C3orf52: variants seen among roughly 807,000 people sequenced by gnomAD.
The protein encoded by C3orf52 is chromosome 3 open reading frame 52, also known as TPA-induced transmembrane protein.
Under a neutral mutation model 24.8 loss-of-function variants are expected in C3orf52, and 22 were observed. The observed-to-expected ratio is 0.89, with a 90% confidence interval of 0.63 to 1.27. C3orf52 has a LOEUF of 1.27. C3orf52 is among the 50% of genes most tolerant of loss of function. The probability of loss-of-function intolerance (pLI) is 0.00; values close to 1 mark genes in which losing one functional copy is unlikely to be tolerated. For synonymous variants in C3orf52, 93 were observed against 100.2 expected (o/e 0.93, Z 0.43); for missense variants, 265 against 260.7 (o/e 1.02, Z -0.11).
At chr3:112,132,079 T>A (rs964095130), downstream of C3orf52, among the ~76,000 whole-genome samples, 6 of 152,140 alleles carry the variant, frequency 3.9e-5, no homozygotes, top group Non-Finnish European at 7.3e-5. Flanking sequence ...GCATCTCATA[T>A]CTAGTAATAA....
downstream of C3orf52, chr3:112,133,171 T>C: frequency 6.2e-7 from 1 of 1,604,288 alleles, no homozygotes; most frequent in Non-Finnish European, 8.5e-7. Flanking sequence ...ACTTCCTTCT[T>C]GCCTTGTGCT....
Position 112,118,093 on chromosome 3 carries a change from C to T in C3orf52, c.*1447C>T, listed in dbSNP as rs570227338. On this transcript the variant is annotated 3_prime_UTR_variant, in exon 6 of 6. Transcript: ENST00000264848. ...AAACTAGTGGATTTCTCTTCTTCCT[C>T]TTTATTTTCTGCATGTTAAATGTGA... The T allele has an allele frequency of 6.6e-6, 1 of 152,180 alleles. No individual in the cohort carries two copies. Among genetic ancestry groups the T allele is most frequent in the Non-Finnish European group, 1.5e-5 (1 of 68,038 alleles). The allele number at this position is 152,180 out of a possible 1,614,324, so 9.4% of individuals were successfully genotyped here. A position where few individuals can be genotyped will look rare whatever the true frequency, so the allele number is the denominator to read the frequency against.
downstream of C3orf52, chr3:112,130,108 T>C (rs2074416523): frequency 3.9e-6 from 1 of 253,266 alleles, no homozygotes; most frequent in East Asian, 7.8e-5. Context: ...TAAAATAAAA[T>C]GGCTAGGGTG....
At chr3:112,086,601 C>A in intron 1 of C3orf52, 56 bp downstream of exon 1, 1 of 1,514,666 alleles carries the variant, frequency 6.6e-7, no homozygotes, top group Non-Finnish European at 8.9e-7. Flanking sequence ...GTAGTAGGAC[C>A]CGGGCCTGGC....
chr3:112,089,545 AAAAAAG>A (rs2073859823), intron 1 of C3orf52, among the ~76,000 whole-genome samples: 1 of 152,044 alleles, frequency 6.6e-6, no homozygotes, highest in African/African-American at 2.4e-5. Context: ...AAAAAAAAAA[AAAAAAG>A]ATTTATTTCA....
chr3:112,096,909 A>G (rs2073931383), intron 2 of C3orf52, among the ~76,000 whole-genome samples: 1 of 152,236 alleles, frequency 6.6e-6, no homozygotes, highest in Admixed American at 6.5e-5. Flanking sequence ...ATTCAGGATC[A>G]TGGCTTAGCT....
At chr3:112,103,687 A>G (rs1395031286) in intron 3 of C3orf52, among the ~76,000 whole-genome samples, 1 of 152,226 alleles carries the variant, frequency 6.6e-6, no homozygotes, top group Non-Finnish European at 1.5e-5. Context: ...GAGCTACCTC[A>G]GGTGAAGATG....
chr3:112,121,059 C>CT (rs901791648), downstream of C3orf52: 3 of 152,114 alleles, frequency 2.0e-5, no homozygotes, highest in Non-Finnish European at 2.9e-5. Flanking sequence ...TTATAATTCC[C>CT]TCTTATAAAT....
At chr3:112,134,350 G>A (rs1376432892), downstream of C3orf52, 2 of 152,318 alleles carry the variant, frequency 1.3e-5, no homozygotes, top group East Asian at 1.9e-4. Context: ...ACACTTAGCT[G>A]TCCACGGATG....
intron 1 of C3orf52, among the ~76,000 whole-genome samples, chr3:112,089,918 A>G (rs1407329380): frequency 6.6e-6 from 1 of 152,230 alleles, no homozygotes; most frequent in African/African-American, 2.4e-5. Flanking sequence ...TAAGATGCAG[A>G]TTGCAAATGT....
intron 3 of C3orf52, among the ~76,000 whole-genome samples, chr3:112,108,301 C>G (rs9865368): frequency 0.013 from 1,959 of 152,140 alleles, 40 homozygotes; most frequent in African/African-American, 0.044. Flanking sequence ...CAATGTGAAG[C>G]ACTATTTTAT....
In C3orf52 at chr3:112,117,318, C is replaced by T; in HGVS notation, c.*672C>T. 3.8e-6 allele frequency: 1 copy of T among 266,244 alleles called. No homozygotes were observed. Among genetic ancestry groups the T allele is most frequent in the Non-Finnish European group, 7.1e-6 (1 of 140,722 alleles). The allele number at this position is 266,244 out of a possible 1,614,324, so 16.5% of individuals were successfully genotyped here. On this transcript the variant is annotated 3_prime_UTR_variant, in exon 6 of 6. Coordinates refer to ENST00000264848, the MANE Select transcript of C3orf52 (RefSeq NM_024616.3). ...ACCTGTACCTGAGTATCTTAGCCAG[C>T]CAGCCTTAGGAACACCACCAAGGTT...
intron 1 of C3orf52, 58 bp downstream of exon 1, chr3:112,086,603 G>A: frequency 4.0e-6 from 6 of 1,511,220 alleles, no homozygotes; most frequent in Non-Finnish European, 4.5e-6. Context: ...AGTAGGACCC[G>A]GGCCTGGCAC....
At chr3:112,086,828 A>G (rs558269044) in intron 1 of C3orf52, among the ~76,000 whole-genome samples, 9 of 152,174 alleles carry the variant, frequency 5.9e-5, no homozygotes, top group Non-Finnish European at 1.3e-4. Flanking sequence ...TCAGAGAGGT[A>G]TTCCGGAGAT....
intron 4 of C3orf52, among the ~76,000 whole-genome samples, chr3:112,126,092 A>G (rs955640924): frequency 4.6e-5 from 7 of 152,180 alleles, no homozygotes; most frequent in Non-Finnish European, 7.3e-5. Context: ...CCTGATTATC[A>G]TTATAAGAAA....
chr3:112,133,038 G>T, downstream of C3orf52: 2 of 1,556,122 alleles, frequency 1.3e-6, no homozygotes, highest in Admixed American at 1.7e-5. Context: ...TCTCTTCCTT[G>T]CTGTATTGTC....
At chr3:112,105,539 CGTGTGTGTGTGTGT>C (rs3082397) in intron 3 of C3orf52, among the ~76,000 whole-genome samples, 3 of 148,138 alleles carry the variant, frequency 2.0e-5, no homozygotes, top group Non-Finnish European at 3.0e-5. Flanking sequence ...CTTCTTTGGC[CGTGTGTGTGTGTGT>C]GTGTGTGTGT....
intron 1 of C3orf52, among the ~76,000 whole-genome samples, chr3:112,088,859 T>C (rs1347745878): frequency 6.6e-6 from 1 of 152,134 alleles, no homozygotes; most frequent in Non-Finnish European, 1.5e-5. Flanking sequence ...TGCAGGTGGA[T>C]GGGTGAGGAA....
chr3:112,125,234 G>A (rs147855189), intron 4 of C3orf52: 3 of 1,576,448 alleles, frequency 1.9e-6, no homozygotes, highest in Admixed American at 3.3e-5. Context: ...ACCTGGATGG[G>A]AGTAGATGAC....
Sources: gnomAD v4.1 joint callset for allele counts (sites outside exome capture counted in the v4.1 genomes callset) on GRCh38, gnomAD v4.1.1 for gene constraint, MANE v1.5 for transcripts, NCBI Gene and HGNC (gene_info 2026-07-23, HGNC 2026-07-21) for gene names.